Variants in COQ9 observed in about 807,000 individuals in gnomAD.
The protein encoded by COQ9 is ubiquinone biosynthesis protein COQ9, mitochondrial.
A neutral mutation model predicts 42.4 loss-of-function variants in COQ9; 35 were observed. The observed-to-expected ratio is 0.83, with a 90% CI of 0.63 to 1.10. The LOEUF (loss-of-function observed/expected upper bound fraction) is 1.10. Ranked by LOEUF, COQ9 falls within the 50% of genes least tolerant of loss-of-function variation. The probability of loss-of-function intolerance (pLI) is 0.00; values close to 1 mark genes in which losing one functional copy is unlikely to be tolerated. For missense variants in COQ9, 406 were observed against 414.6 expected, an observed-to-expected ratio of 0.98 and a Z score of 0.18; for synonymous variants, 155 against 155.1, an observed-to-expected ratio of 1.00 and a Z score of 0.00.
At chr16:57,449,041 A>G (rs1170601860) in intron 1 of COQ9, among the ~76,000 whole-genome samples, 2 of 152,232 alleles carry the variant, frequency 1.3e-5, no homozygotes, top group East Asian at 1.9e-4. Context: ...ACGGAGCCCA[A>G]CCTTGAGTTT....
chr16:57,457,820 C>G (rs1189729117), intron 5 of COQ9, among the ~76,000 whole-genome samples: 3 of 152,218 alleles, frequency 2.0e-5, no homozygotes, highest in African/African-American at 7.2e-5. Flanking sequence ...CAGGACCTCT[C>G]TGATCACCTC....
chr16:57,458,639 T>C (rs1196891823), intron 6 of COQ9, among the ~76,000 whole-genome samples: 1 of 152,212 alleles, frequency 6.6e-6, no homozygotes, highest in Non-Finnish European at 1.5e-5. Context: ...GCTGCCATTT[T>C]ATTATCATTT....
chr16:57,459,980 A>G (rs1567581056), intron 7 of COQ9, 71 bp from the exon 8 acceptor site: 2 of 1,484,570 alleles, frequency 1.3e-6, no homozygotes, highest in East Asian at 2.3e-5. Context: ...AGGCCTCCTG[A>G]TTTGTCCTGC....
chr16:57,453,503 G>C (rs1178743091), intron 3 of COQ9: 5 of 179,676 alleles, frequency 2.8e-5, no homozygotes, highest in Non-Finnish European at 4.8e-5. Context: ...CCATGTTGTA[G>C]AGAATCCTCC....
At chr16:57,450,901 T>G in intron 1 of COQ9, 139 bp from the exon 2 acceptor site, 1 of 946,600 alleles carries the variant, frequency 1.1e-6, no homozygotes, top group Non-Finnish European at 1.7e-6. Context: ...CCAATATTTT[T>G]GTGTGGGACC....
chr16:57,452,708 T>C, intron 2 of COQ9, 93 bp from the exon 3 acceptor site: 7 of 1,396,064 alleles, frequency 5.0e-6, no homozygotes, highest in Non-Finnish European at 7.1e-6. Flanking sequence ...TCCCAGCATG[T>C]GCTTAGAGGA....
intron 1 of COQ9, 151 bp downstream of exon 1, chr16:57,447,729 G>A: frequency 1.7e-6 from 1 of 574,262 alleles, no homozygotes; most frequent in Non-Finnish European, 2.6e-6. Context: ...CGGGCGAGCC[G>A]CCTGGCTAGC....
Position 57,460,758 on chromosome 16 carries a change from A to G in COQ9, c.*134A>G, listed in dbSNP as rs886052182. The G allele has an allele frequency of 6.1e-6, 5 of 817,856 alleles. No individual in the cohort carries two copies. The highest frequency in any genetic ancestry group is 8.2e-6 in the Non-Finnish European group (4 of 484,910). The allele number at this position is 817,856 out of a possible 1,614,324, so 50.7% of individuals were successfully genotyped here. A position where few individuals can be genotyped will look rare whatever the true frequency, so the allele number is the denominator to read the frequency against. Reference sequence around the variant, plus strand: ...ACTAAAGGACTCCTGAGTCACTACCACAGCCACCTGGAAACCACAAGGCAT... The same window carrying G: ...ACTAAAGGACTCCTGAGTCACTACCGCAGCCACCTGGAAACCACAAGGCAT... On this transcript the variant is annotated 3_prime_UTR_variant, in exon 9 of 9. Transcript: ENST00000262507.
intron 1 of COQ9, among the ~76,000 whole-genome samples, chr16:57,449,350 G>A (rs1349357132): frequency 7.9e-5 from 12 of 152,204 alleles, no homozygotes; most frequent in Non-Finnish European, 1.3e-4. Context: ...GCTTATGTTA[G>A]TGTGTGTTCA....
At chr16:57,450,904 GT>G in intron 1 of COQ9, 135 bp from the exon 2 acceptor site, 1 of 973,294 alleles carries the variant, frequency 1.0e-6, no homozygotes, top group Non-Finnish European at 1.6e-6. Context: ...ATATTTTTGT[GT>G]GGGACCCAAC....
intron 1 of COQ9, among the ~76,000 whole-genome samples, chr16:57,448,624 G>A (rs1267644843): frequency 1.3e-5 from 2 of 151,576 alleles, no homozygotes; most frequent in African/African-American, 4.9e-5. Context: ...TGTTGGCCAG[G>A]CTAGTCCAAA....
At position 57,459,638 on chromosome 16, in the gene COQ9, C is replaced by T. The variant is rs1252710394; in HGVS notation, c.785C>T (p.Ser262Phe). The change falls in exon 7 of 9, where the codon TCC (serine) becomes TTC (phenylalanine). Residue 262 changes from serine to phenylalanine, a missense_variant. By Grantham distance (155) the Ser-to-Phe change is radical (BLOSUM62 -2). Transcript: ENST00000262507. Reference protein sequence around the residue: ...NTTELVMMQDSSPDFEDTWRF... With the variant: ...NTTELVMMQDFSPDFEDTWRF... ...ACAGAGCTGGTGATGATGCAGGACT[C>T]CTCTCCAGACTTTGAGGACACTTGG... The T allele has an allele frequency of 6.2e-7, 1 of 1,614,162 alleles. No individual in the cohort carries two copies. The highest frequency in any genetic ancestry group is 1.1e-5 in the South Asian group (1 of 91,078).
chr16:57,454,119 T>C (rs924297526), intron 3 of COQ9: 9 of 152,220 alleles, frequency 5.9e-5, no homozygotes, highest in Non-Finnish European at 1.3e-4. Flanking sequence ...CTGGTTTTTT[T>C]CCCTCAATAG....
intron 8 of COQ9, 147 bp downstream of exon 8, chr16:57,460,251 T>G: frequency 1.1e-6 from 1 of 911,228 alleles, no homozygotes; most frequent in Non-Finnish European, 1.7e-6. Flanking sequence ...CCCTAGTGTC[T>G]TGATTCCAAA....
At chr16:57,459,965 C>A in intron 7 of COQ9, 86 bp from the exon 8 acceptor site, 1 of 1,320,408 alleles carries the variant, frequency 7.6e-7, no homozygotes, top group Non-Finnish European at 1.1e-6. Flanking sequence ...CCTTTTGGGG[C>A]TCATAGGCCT....
chr16:57,447,618 G>A, intron 1 of COQ9, 40 bp downstream of exon 1: 1 of 1,234,474 alleles, frequency 8.1e-7, no homozygotes, highest in African/African-American at 1.6e-5. Flanking sequence ...GGGGAGCGCG[G>A]AGGGGGCGCG....
At chr16:57,450,840 C>A in intron 1 of COQ9, 200 bp from the exon 2 acceptor site, 1 of 648,542 alleles carries the variant, frequency 1.5e-6, no homozygotes, top group South Asian at 1.8e-5. Context: ...GATCATTTTT[C>A]CTGGCTTACC....
chr16:57,454,860 G>C (rs1316514144), intron 3 of COQ9, among the ~76,000 whole-genome samples: 1 of 152,158 alleles, frequency 6.6e-6, no homozygotes, highest in East Asian at 1.9e-4. Context: ...TGCAGGAAGA[G>C]AGATTTGAGA....
In COQ9 at chr16:57,461,075, C is replaced by A; in HGVS notation, c.*451C>A. The A allele has an allele frequency of 4.5e-6, 2 of 442,912 alleles. No individual in the cohort carries two copies. The highest frequency in any genetic ancestry group is 1.6e-5 in the South Asian group (1 of 62,518). 27.4% of individuals were successfully genotyped at this position (442,912 alleles called of 1,614,324 possible). A position where few individuals can be genotyped will look rare whatever the true frequency, so the allele number is the denominator to read the frequency against. ...ACAGGCGTGTGCACACAGAGGTGTT[C>A]CTTGCAGCCCCCTCCCTCTCAGGTG... On this transcript the variant is annotated 3_prime_UTR_variant, in exon 9 of 9. Transcript: ENST00000262507.
Sources: gnomAD v4.1 joint callset for allele counts (sites outside exome capture counted in the v4.1 genomes callset) on GRCh38, gnomAD v4.1.1 for gene constraint, MANE v1.5 for transcripts, NCBI Gene and HGNC (gene_info 2026-07-23, HGNC 2026-07-21) for gene names.